Variants in STPG2 observed in about 807,000 individuals in gnomAD.
STPG2 encodes sperm-tail PG-rich repeat-containing protein 2.
In STPG2, 56 loss-of-function variants were observed where a neutral mutation model predicts 54.2. That is an observed-to-expected ratio of 1.03 (90% confidence interval 0.83 to 1.29). The LOEUF (loss-of-function observed/expected upper bound fraction) is 1.29, where lower values mean the gene tolerates loss of function less well. Among genes scored for constraint, STPG2 ranks in the 50% most tolerant of loss-of-function variants. The pLI, the probability that STPG2 is intolerant of heterozygous loss-of-function variation, is 0.00. For synonymous variants in STPG2, 200 were observed against 181.8 expected, an observed-to-expected ratio of 1.10 and a Z score of -0.81; for missense variants, 596 against 544.9, an observed-to-expected ratio of 1.09 and a Z score of -0.93.
chr4:97,762,147 A>G (rs1243552499), intron 9 of STPG2, among the ~76,000 whole-genome samples: 1 of 152,176 alleles, frequency 6.6e-6, no homozygotes, highest in Non-Finnish European at 1.5e-5. Flanking sequence ...GTCAAACAAT[A>G]CTTTTAAAAG....
At chr4:97,598,720 T>C (rs546778075) in intron 10 of STPG2, among the ~76,000 whole-genome samples, 59 of 152,314 alleles carry the variant, frequency 3.9e-4, no homozygotes, top group Middle Eastern at 3.4e-3. Flanking sequence ...ACTAGCCATA[T>C]ACAGAAGATT....
chr4:97,900,762 G>T (rs575654147), intron 8 of STPG2, among the ~76,000 whole-genome samples: 1 of 152,088 alleles, frequency 6.6e-6, no homozygotes, highest in African/African-American at 2.4e-5. Context: ...GCAGACACTG[G>T]AGTCTACTTG....
intron 9 of STPG2, among the ~76,000 whole-genome samples, chr4:97,734,705 A>AT (rs1724917149): frequency 6.6e-6 from 1 of 152,132 alleles, no homozygotes; most frequent in South Asian, 2.1e-4. Flanking sequence ...CTTGGCAATG[A>AT]TTTTTTTGGC....
intron 10 of STPG2, among the ~76,000 whole-genome samples, chr4:97,586,144 A>G (rs113068833): frequency 0.015 from 2,269 of 152,022 alleles, 52 homozygotes; most frequent in African/African-American, 0.052. Context: ...TATTTAAAAG[A>G]AACAAATGGA....
chr4:97,587,619 T>A (rs2148895690), intron 10 of STPG2, among the ~76,000 whole-genome samples: 1 of 152,104 alleles, frequency 6.6e-6, no homozygotes. Context: ...CCAATTCCAT[T>A]CCTTTGTCTG....
rs1175554067 is a variant in STPG2, at chr4:97,738,952, A to C, written c.1205-26138T>G. ...ACCACACCTATTCCAAAATTGACCAAATAGTTGGAAGTAAAGCTCTCCTCA... is the reference window on the plus strand; with the variant it reads ...ACCACACCTATTCCAAAATTGACCACATAGTTGGAAGTAAAGCTCTCCTCA... On this transcript the variant is annotated intron_variant, in intron 9 of 10. Transcript: ENST00000295268. Among the ~76,000 whole-genome samples, 9 of 152,248 alleles carry C rather than the reference A, an allele frequency of 5.9e-5. 1 individual carries two copies. Among genetic ancestry groups the C allele is most frequent in the South Asian group, 4.1e-4 (2 of 4,822 alleles).
intron 10 of STPG2, among the ~76,000 whole-genome samples, chr4:97,691,430 T>C (rs1723361633): frequency 6.6e-6 from 1 of 151,976 alleles, no homozygotes. Context: ...TGGTGACCTG[T>C]ATGATGTAGC....
At chr4:97,462,244 G>C (rs943071860) in intron 4 of STPG2, among the ~76,000 whole-genome samples, 1 of 151,568 alleles carries the variant, frequency 6.6e-6, no homozygotes, top group African/African-American at 2.4e-5. Flanking sequence ...TGTTACTTGT[G>C]CTCTTTTCTC....
At chr4:97,726,829 CAT>C (rs1316761614) in intron 9 of STPG2, among the ~76,000 whole-genome samples, 11 of 151,352 alleles carry the variant, frequency 7.3e-5, no homozygotes, top group African/African-American at 1.9e-4. Context: ...CACACACACA[CAT>C]AATACAAACA....
Position 97,587,340 on chromosome 4 carries a change from T to A in STPG2, c.1321-28223A>T, listed in dbSNP as rs377597939. On this transcript the variant is annotated intron_variant, in intron 10 of 10. Transcript: ENST00000295268. ...AATTAGGTACCATTGTAGCCCACATTACTTTGGACCAACAGGTTTCTTTGT... is the reference window on the plus strand; with the variant it reads ...AATTAGGTACCATTGTAGCCCACATAACTTTGGACCAACAGGTTTCTTTGT... Among the ~76,000 whole-genome samples the A allele has an allele frequency of 1.5e-4, 23 of 152,104 alleles. No individual in the cohort carries two copies. In the East Asian group the frequency reaches 1.9e-3, roughly 13 times the overall value.
At chr4:97,533,242 A>G (rs1731455559) in intron 4 of STPG2, among the ~76,000 whole-genome samples, 1 of 152,188 alleles carries the variant, frequency 6.6e-6, no homozygotes, top group Non-Finnish European at 1.5e-5. Flanking sequence ...AAAAAAGCAC[A>G]TGTTAGGGAC....
At chr4:97,812,820 C>T (rs1489715111) in intron 9 of STPG2, among the ~76,000 whole-genome samples, 1 of 152,146 alleles carries the variant, frequency 6.6e-6, no homozygotes. Flanking sequence ...GACATTCTCC[C>T]TGAGCTTTGT....
At chr4:97,544,361 A>G (rs1011173204) in intron 4 of STPG2, among the ~76,000 whole-genome samples, 19 of 152,054 alleles carry the variant, frequency 1.2e-4, no homozygotes, top group African/African-American at 4.3e-4. Context: ...ATGTGTTAAA[A>G]GAAATTTAGG....
chr4:97,614,790 G>T (rs1336602676), intron 10 of STPG2, among the ~76,000 whole-genome samples: 2 of 152,054 alleles, frequency 1.3e-5, no homozygotes, highest in African/African-American at 4.8e-5. Flanking sequence ...CAGCTGATTA[G>T]GGTCCAACAG....
intron 5 of STPG2, among the ~76,000 whole-genome samples, chr4:97,988,754 C>T (rs996558960): frequency 3.9e-5 from 6 of 152,248 alleles, no homozygotes; most frequent in South Asian, 2.1e-4. Flanking sequence ...CACAGGCATG[C>T]GCCACCAGGC....
chr4:97,823,909 C>T (rs183528117), intron 9 of STPG2, among the ~76,000 whole-genome samples: 2 of 152,222 alleles, frequency 1.3e-5, no homozygotes, highest in African/African-American at 2.4e-5. Flanking sequence ...GGGTTTGAGA[C>T]CCAACTTAGG....
chr4:97,870,264 G>T (rs980934818), intron 8 of STPG2, among the ~76,000 whole-genome samples: 1 of 151,410 alleles, frequency 6.6e-6, no homozygotes, highest in Non-Finnish European at 1.5e-5. Flanking sequence ...ACATTTTCAC[G>T]AAAATGTGAT....
intron 5 of STPG2, among the ~76,000 whole-genome samples, chr4:98,031,688 A>G (rs1203450473): frequency 6.6e-6 from 1 of 152,112 alleles, no homozygotes; most frequent in Non-Finnish European, 1.5e-5. Flanking sequence ...TCTGTCTCAA[A>G]AAAAATAAAA....
At chr4:97,643,067 T>A (rs533057268) in intron 10 of STPG2, among the ~76,000 whole-genome samples, 2 of 151,704 alleles carry the variant, frequency 1.3e-5, no homozygotes, top group South Asian at 4.1e-4. Context: ...AATTATATAT[T>A]TTTTCATGGA....
Sources: allele counts gnomAD v4.1 joint callset (sites outside exome capture counted in the v4.1 genomes callset), GRCh38; gene constraint gnomAD v4.1.1; transcripts MANE v1.5; gene names NCBI Gene and HGNC (gene_info 2026-07-23, HGNC 2026-07-21).